The following CA8 variants were observed in gnomAD, a reference collection of about 807,000 sequenced individuals.
CA8 encodes the protein carbonic anhydrase 8 (inactive).
In CA8, 22 loss-of-function variants were observed where a neutral mutation model predicts 41.4. The ratio of observed to expected loss-of-function variants is 0.53; its 90% CI spans 0.38 to 0.76. The LOEUF (loss-of-function observed/expected upper bound fraction) is 0.76, where lower values mean the gene tolerates loss of function less well. CA8 is among the 30% of genes least tolerant of loss of function. The probability of loss-of-function intolerance (pLI) is 0.00; values close to 1 mark genes in which losing one functional copy is unlikely to be tolerated. For synonymous variants in CA8, 121 were observed against 130.6 expected, an observed-to-expected ratio of 0.93 and a Z score of 0.50; for missense variants, 270 against 352.8, an observed-to-expected ratio of 0.77 and a Z score of 1.88.
rs1357624775 is a variant in CA8, at chr8:60,189,003, GC to G, written c.*1017del. 6.6e-6 allele frequency: 1 copy of G among 151,986 alleles called. No individual in the cohort carries two copies. The highest frequency in any genetic ancestry group is 1.5e-5 in the Non-Finnish European group (1 of 68,000). The allele number at this position is 151,986 out of a possible 1,614,324, so 9.4% of individuals were successfully genotyped here. A position where few individuals can be genotyped will look rare whatever the true frequency, so the allele number is the denominator to read the frequency against. ...ACAATAACAATAATATTTATTGTTTGCTTTGTGCCAGGTACTCTACTGCTTT... is the reference window on the plus strand; with the variant it reads ...ACAATAACAATAATATTTATTGTTTGTTTGTGCCAGGTACTCTACTGCTTT... On this transcript the variant is annotated 3_prime_UTR_variant, in exon 9 of 9. Transcript: ENST00000317995.
In CA8 at chr8:60,281,269, A is replaced by G. The variant is rs10086352; in HGVS notation, c.-122T>C. 277,794 of 698,922 alleles carry G rather than the reference A, an allele frequency of 0.4. 57,534 individuals are homozygous for G. The highest frequency in any genetic ancestry group is 0.55 in the African/African-American group (30,674 of 55,506). The allele number at this position is 698,922 out of a possible 1,614,324, so 43.3% of individuals were successfully genotyped here. A position where few individuals can be genotyped will look rare whatever the true frequency, so the allele number is the denominator to read the frequency against. On this transcript the variant is annotated 5_prime_UTR_variant, in exon 1 of 9. Coordinates refer to ENST00000317995, the MANE Select transcript of CA8 (RefSeq NM_004056.6). ...GTGAGCACGCGTGAGCGGCAGTGTG[A>G]GTGCGAGAGCGCCTCCGGGTGTGAA...
chr8:60,215,513 G>T (rs1056867379), intron 7 of CA8, among the ~76,000 whole-genome samples: 14 of 151,920 alleles, frequency 9.2e-5, no homozygotes, highest in African/African-American at 3.1e-4. Context: ...CACCACTAAA[G>T]AACTTACTCG....
chr8:60,209,869 T>C (rs973089264), intron 7 of CA8, among the ~76,000 whole-genome samples: 6 of 152,196 alleles, frequency 3.9e-5, no homozygotes, highest in African/African-American at 1.2e-4. Flanking sequence ...TCAGGGACAT[T>C]GCCCATCAGC....
At chr8:60,271,308 TG>T (rs775617788) in intron 2 of CA8, among the ~76,000 whole-genome samples, 22 of 150,900 alleles carry the variant, frequency 1.5e-4, no homozygotes, top group East Asian at 5.8e-4. Context: ...TACTCCAGCG[TG>T]GCCAACAGAA....
At chr8:60,221,904 G>T (rs1807264685) in intron 7 of CA8, among the ~76,000 whole-genome samples, 1 of 152,140 alleles carries the variant, frequency 6.6e-6, no homozygotes, top group Non-Finnish European at 1.5e-5. Flanking sequence ...AAAGAAAACT[G>T]GTTTGCTGAG....
chr8:60,271,258 C>T lies in CA8; in HGVS notation c.293-5209G>A, dbSNP rs566577065. Among the ~76,000 whole-genome samples the T allele has an allele frequency of 2.5e-4, 38 of 152,008 alleles. 1 individual carries two copies. Among genetic ancestry groups the T allele is most frequent in the Middle Eastern group, 3.4e-3 (1 of 294 alleles). ...CAGACAGGCTGAGGTGGGCAGATTG[C>T]TTGAGCCCAGGACTTGGAGGCTGCA... is the stretch of plus-strand genomic sequence containing the variant. On this transcript the variant is annotated intron_variant, in intron 2 of 8. Transcript: ENST00000317995.
At chr8:60,256,008 A>C (rs745709944) in intron 3 of CA8, among the ~76,000 whole-genome samples, 1 of 151,174 alleles carries the variant, frequency 6.6e-6, no homozygotes, top group Non-Finnish European at 1.5e-5. Context: ...TCCCGGGTTC[A>C]AGCGATTCTC....
At chr8:60,191,104 CAG>C in intron 8 of CA8, among the ~76,000 whole-genome samples, 1 of 151,538 alleles carries the variant, frequency 6.6e-6, no homozygotes, top group East Asian at 1.9e-4. Flanking sequence ...CCCACTCTAC[CAG>C]GACCAAACTA....
intron 7 of CA8, among the ~76,000 whole-genome samples, chr8:60,215,927 C>T (rs988862782): frequency 1.3e-5 from 2 of 152,166 alleles, no homozygotes; most frequent in African/African-American, 4.8e-5. Context: ...GTCAAGATAC[C>T]AATTCTTTCC....
intron 3 of CA8, among the ~76,000 whole-genome samples, chr8:60,263,321 T>TAA (rs11345369): frequency 1.3e-4 from 17 of 132,932 alleles, no homozygotes; most frequent in African/African-American, 2.5e-4. Context: ...GACTCCATCT[T>TAA]AAAAAAAAAA....
intron 3 of CA8, among the ~76,000 whole-genome samples, chr8:60,251,177 G>A (rs979726124): frequency 2.0e-5 from 3 of 152,168 alleles, no homozygotes; most frequent in Non-Finnish European, 2.9e-5. Flanking sequence ...TAAGCCATGT[G>A]GCTATCTGGG....
At chr8:60,269,525 A>T (rs1307609210) in intron 2 of CA8, among the ~76,000 whole-genome samples, 4 of 152,224 alleles carry the variant, frequency 2.6e-5, no homozygotes, top group East Asian at 1.9e-4. Flanking sequence ...CATTTATAAG[A>T]CATAAACAAG....
At chr8:60,254,249 AC>A (rs1808546985) in intron 3 of CA8, among the ~76,000 whole-genome samples, 1 of 152,178 alleles carries the variant, frequency 6.6e-6, no homozygotes, top group South Asian at 2.1e-4. Context: ...ATGCCACTCT[AC>A]CATCTCCCTC....
At chr8:60,210,442 G>C (rs1439975858) in intron 7 of CA8, among the ~76,000 whole-genome samples, 1 of 152,180 alleles carries the variant, frequency 6.6e-6, no homozygotes, top group Non-Finnish European at 1.5e-5. Flanking sequence ...GCCCACGAAA[G>C]CCCTGAATGA....
At chr8:60,235,041 G>A (rs958723289) in intron 3 of CA8, among the ~76,000 whole-genome samples, 3 of 152,152 alleles carry the variant, frequency 2.0e-5, no homozygotes, top group African/African-American at 7.2e-5. Context: ...CTGCACCTGC[G>A]CTGCCTCTCA....
chr8:60,260,335 C>T (rs1803689824), intron 3 of CA8, among the ~76,000 whole-genome samples: 1 of 152,174 alleles, frequency 6.6e-6, no homozygotes, highest in South Asian at 2.1e-4. Flanking sequence ...CACACCCCTC[C>T]TCTGCTGTCA....
chr8:60,215,732 A>G (rs887447808), intron 7 of CA8, among the ~76,000 whole-genome samples: 3 of 152,170 alleles, frequency 2.0e-5, no homozygotes, highest in Non-Finnish European at 4.4e-5. Context: ...TAGAATTCCT[A>G]TTCTAGAATT....
intron 8 of CA8, among the ~76,000 whole-genome samples, chr8:60,204,181 T>A (rs1806511064): frequency 6.6e-6 from 1 of 152,192 alleles, no homozygotes; most frequent in South Asian, 2.1e-4. Flanking sequence ...TTGAAAGCCA[T>A]TTTTTAATGT....
rs1806392036 is a variant in CA8 at position 60,200,480 on chromosome 8, T to C, written c.*35+8270A>G. Among the ~76,000 whole-genome samples, 5 of 152,250 alleles carry C rather than the reference T, an allele frequency of 3.3e-5. No homozygotes were observed. In the South Asian group the frequency reaches 1.0e-3, roughly 32 times the overall value. On this transcript the variant is annotated intron_variant, in intron 8 of 8. Coordinates refer to ENST00000317995, the MANE Select transcript of CA8 (RefSeq NM_004056.6). ...TTTGCCATATGTAAGCAATTTGCCA[T>C]ACATAAGCATCAGAACCATAACCTA... is the stretch of plus-strand genomic sequence containing the variant.
Sources: gnomAD v4.1 joint callset for allele counts (sites outside exome capture counted in the v4.1 genomes callset) on GRCh38, gnomAD v4.1.1 for gene constraint, MANE v1.5 for transcripts, NCBI Gene and HGNC (gene_info 2026-07-23, HGNC 2026-07-21) for gene names.